Variants in APBA2 observed in about 807,000 individuals in gnomAD.
APBA2 encodes the protein amyloid-beta A4 precursor protein-binding family A member 2.
In APBA2, 30 loss-of-function variants were observed where a neutral mutation model predicts 75.0. The observed-to-expected ratio is 0.40, with a 90% confidence interval of 0.30 to 0.54. The LOEUF is 0.54. Ranked by LOEUF, APBA2 falls within the 20% of genes least tolerant of loss-of-function variation. The pLI, the probability that APBA2 is intolerant of heterozygous loss-of-function variation, is 0.49. For synonymous variants in APBA2, 444 were observed against 409.6 expected, an observed-to-expected ratio of 1.08 and a Z score of -1.01; for missense variants, 801 against 1,016.1, an observed-to-expected ratio of 0.79 and a Z score of 2.88.
chr15:29,023,893 T>A (rs2040082363), intron 3 of APBA2, among the ~76,000 whole-genome samples: 1 of 147,798 alleles, frequency 6.8e-6, no homozygotes, highest in African/African-American at 2.6e-5. Context: ...GCTACTTCTT[T>A]CCTTTTTGTC....
intron 1 of APBA2, among the ~76,000 whole-genome samples, chr15:28,901,620 T>G (rs920718317): frequency 6.6e-6 from 1 of 151,970 alleles, no homozygotes; most frequent in African/African-American, 2.4e-5. Context: ...TTATTGCACC[T>G]GGGGGAGGGT....
chr15:28,913,618 A>G (rs1436546064), intron 1 of APBA2, among the ~76,000 whole-genome samples: 3 of 152,228 alleles, frequency 2.0e-5, no homozygotes, highest in Non-Finnish European at 4.4e-5. Flanking sequence ...GAATGGATTC[A>G]GGAAATCCTT....
chr15:28,894,403 C>T (rs1221310699), intron 1 of APBA2, among the ~76,000 whole-genome samples: 1 of 152,134 alleles, frequency 6.6e-6, no homozygotes, highest in Non-Finnish European at 1.5e-5. Context: ...CCCATTCTGG[C>T]TCTGGGTCCA....
At chr15:29,083,707 T>G (rs1400879626) in intron 6 of APBA2, among the ~76,000 whole-genome samples, 1 of 152,120 alleles carries the variant, frequency 6.6e-6, no homozygotes, top group African/African-American at 2.4e-5. Flanking sequence ...ATTTTTGTAT[T>G]TTTAGTAGAG....
intron 4 of APBA2, among the ~76,000 whole-genome samples, chr15:29,067,359 G>GCCTGTGGA (rs1208300843): frequency 5.9e-5 from 9 of 152,178 alleles, no homozygotes; most frequent in East Asian, 1.9e-4. Context: ...ACCCATTCAG[G>GCCTGTGGA]CCTGTGGACC....
chr15:29,083,114 CT>C (rs1486353808), intron 6 of APBA2, among the ~76,000 whole-genome samples: 6 of 152,014 alleles, frequency 3.9e-5, no homozygotes, highest in African/African-American at 1.2e-4. Flanking sequence ...TCTTCCAGGA[CT>C]TTGGTATTAT....
chr15:29,079,962 C>T (rs1018432890), intron 6 of APBA2, among the ~76,000 whole-genome samples: 7 of 152,270 alleles, frequency 4.6e-5, no homozygotes, highest in South Asian at 2.1e-4. Flanking sequence ...TACTTTCCCC[C>T]GTCTGATAGG....
chr15:28,940,356 C>CAA lies in APBA2; in HGVS notation c.-95+18637_-95+18638dup, dbSNP rs398043111. 2.8e-3 allele frequency among the ~76,000 whole-genome samples: 109 copies of CAA among 38,448 alleles called. 5 individuals carry two copies. Among genetic ancestry groups the CAA allele is most frequent in the Non-Finnish European group, 3.7e-3 (64 of 17,200 alleles). 25.2% of individuals were successfully genotyped at this position (38,448 alleles called of 152,430 possible). On this transcript the variant is annotated intron_variant, in intron 2 of 14. Coordinates refer to ENST00000683413, the MANE Select transcript of APBA2 (RefSeq NM_001353788.2). ...TGAAACCCCGTCTCTACTAAAAATA[C>CAA]AAAAAAAAAAAAAAAAAAAAAAAAA...
At chr15:28,920,566 T>C (rs2033920125) in intron 1 of APBA2, among the ~76,000 whole-genome samples, 1 of 152,174 alleles carries the variant, frequency 6.6e-6, no homozygotes, top group Non-Finnish European at 1.5e-5. Flanking sequence ...TGTGCTTCAG[T>C]ATCAGAGTGG....
chr15:29,039,098 G>GGGGTGTGTGTGT (rs1445107391), intron 3 of APBA2, among the ~76,000 whole-genome samples: 3 of 106,214 alleles, frequency 2.8e-5, no homozygotes, highest in Non-Finnish European at 3.8e-5. Context: ...TGTATGTCAG[G>GGGGTGTGTGTGT]GTGTGTGTGT....
intron 6 of APBA2, among the ~76,000 whole-genome samples, chr15:29,079,610 C>G (rs2042998935): frequency 6.6e-6 from 1 of 152,110 alleles, no homozygotes; most frequent in South Asian, 2.1e-4. Flanking sequence ...GCCGCCACTT[C>G]CCATCCCACT....
chr15:29,044,646 G>A (rs1444494254), intron 3 of APBA2, among the ~76,000 whole-genome samples: 1 of 152,156 alleles, frequency 6.6e-6, no homozygotes, highest in African/African-American at 2.4e-5. Context: ...GATTGACACT[G>A]TATGCAGCAA....
At chr15:29,104,008 G>A (rs2044271044) in intron 10 of APBA2, among the ~76,000 whole-genome samples, 1 of 152,242 alleles carries the variant, frequency 6.6e-6, no homozygotes, top group East Asian at 1.9e-4. Context: ...GGCAAGTCCT[G>A]GAAACGGCTT....
chr15:29,075,901 T>C (rs1260748012), intron 5 of APBA2, among the ~76,000 whole-genome samples, 154 bp from the exon 6 acceptor site: 1 of 152,202 alleles, frequency 6.6e-6, no homozygotes, highest in Non-Finnish European at 1.5e-5. Flanking sequence ...GCAGACTGGT[T>C]TCCTGTATGG....
chr15:29,100,563 A>G (rs370800788), intron 9 of APBA2, among the ~76,000 whole-genome samples: 6 of 152,254 alleles, frequency 3.9e-5, no homozygotes, highest in African/African-American at 1.4e-4. Flanking sequence ...ACAAAAAACC[A>G]TCAAGAGTCA....
chr15:29,027,210 G>T (rs1029449455), intron 3 of APBA2, among the ~76,000 whole-genome samples: 1 of 152,096 alleles, frequency 6.6e-6, no homozygotes, highest in African/African-American at 2.4e-5. Flanking sequence ...TCTTTTTTGA[G>T]ATGTGACATC....
At chr15:28,898,125 T>C (rs2032624108) in intron 1 of APBA2, among the ~76,000 whole-genome samples, 1 of 152,174 alleles carries the variant, frequency 6.6e-6, no homozygotes, top group Non-Finnish European at 1.5e-5. Context: ...CTGGAGGGAA[T>C]GTGGCCCTGC....
chr15:29,094,143 G>T, intron 7 of APBA2, 135 bp from the exon 8 acceptor site: 1 of 899,724 alleles, frequency 1.1e-6, no homozygotes, highest in East Asian at 2.5e-5. Flanking sequence ...GGCAATGGCT[G>T]TCCACCCGTC....
At chr15:29,089,435 A>T (rs559381269) in intron 6 of APBA2, among the ~76,000 whole-genome samples, 83 of 152,000 alleles carry the variant, frequency 5.5e-4, no homozygotes, top group Non-Finnish European at 1.0e-3. Flanking sequence ...TTGTGGATGC[A>T]CCCCCACACT....
Sources: gnomAD v4.1 joint callset for allele counts (sites outside exome capture counted in the v4.1 genomes callset) on GRCh38, gnomAD v4.1.1 for gene constraint, MANE v1.5 for transcripts, NCBI Gene and HGNC (gene_info 2026-07-23, HGNC 2026-07-21) for gene names.